Variants in P3H2 observed in about 807,000 individuals in gnomAD.
The protein encoded by P3H2 is leprecan-like 1.
P3H2 carries 80 observed loss-of-function variants against 87.0 expected under a neutral mutation model. That is an observed-to-expected ratio of 0.92 (90% CI 0.77 to 1.11). The LOEUF (loss-of-function observed/expected upper bound fraction) is 1.11. Ranked by LOEUF, P3H2 falls within the 50% of genes least tolerant of loss-of-function variation. The probability of loss-of-function intolerance (pLI) is 0.00; values close to 1 mark genes in which losing one functional copy is unlikely to be tolerated. For missense variants in P3H2, 1,001 were observed against 923.9 expected (o/e 1.08, Z -1.08); for synonymous variants, 367 against 359.3 (o/e 1.02, Z -0.24).
chr3:189,985,544 AAT>A (rs1342553769), intron 6 of P3H2, among the ~76,000 whole-genome samples: 6 of 150,878 alleles, frequency 4.0e-5, no homozygotes, highest in Non-Finnish European at 7.4e-5. Context: ...TTAGTATTAA[AAT>A]AGTGTGCAAA....
At chr3:190,004,431 G>T (rs561948841) in intron 1 of P3H2, among the ~76,000 whole-genome samples, 1 of 152,284 alleles carries the variant, frequency 6.6e-6, no homozygotes, top group East Asian at 1.9e-4. Context: ...CGCCCAGGCT[G>T]GAGTGCAGTG....
chr3:189,976,636 T>C (rs1324002485), intron 8 of P3H2, among the ~76,000 whole-genome samples: 2 of 152,250 alleles, frequency 1.3e-5, no homozygotes, highest in Non-Finnish European at 2.9e-5. Flanking sequence ...TGCATCGTAT[T>C]TCATTTATTT....
At chr3:190,062,133 C>T (rs1726349963) in intron 1 of P3H2, among the ~76,000 whole-genome samples, 2 of 152,134 alleles carry the variant, frequency 1.3e-5, no homozygotes, top group Non-Finnish European at 1.5e-5. Context: ...CCTTCTTAAT[C>T]CTTCATCACA....
chr3:190,011,354 A>G (rs994119066), intron 1 of P3H2, among the ~76,000 whole-genome samples: 6 of 152,122 alleles, frequency 3.9e-5, no homozygotes, highest in Non-Finnish European at 8.8e-5. Flanking sequence ...AAGACTAAAC[A>G]ATTCAAGAAA....
chr3:190,097,484 A>T (rs1296614828), intron 1 of P3H2, among the ~76,000 whole-genome samples: 1 of 152,208 alleles, frequency 6.6e-6, no homozygotes, highest in Non-Finnish European at 1.5e-5. Flanking sequence ...ACCTGTTATG[A>T]CATGAAAAAC....
chr3:189,974,450 C>A, intron 9 of P3H2, 108 bp downstream of exon 9: 1 of 1,405,728 alleles, frequency 7.1e-7, no homozygotes, highest in Non-Finnish European at 1.0e-6. Context: ...CTCAAGAAAG[C>A]AATATTTCAG....
intron 1 of P3H2, among the ~76,000 whole-genome samples, chr3:190,063,660 G>C (rs932008758): frequency 1.3e-5 from 2 of 152,090 alleles, no homozygotes; most frequent in African/African-American, 4.8e-5. Context: ...ATATAAATGT[G>C]TGAAAGTCTC....
intron 1 of P3H2, among the ~76,000 whole-genome samples, chr3:190,091,721 T>C (rs1253836022): frequency 6.6e-6 from 1 of 152,226 alleles, no homozygotes; most frequent in Non-Finnish European, 1.5e-5. Flanking sequence ...GAAAACAGTA[T>C]TCTGACAGTG....
chr3:190,062,518 T>G (rs1443550095), intron 1 of P3H2, among the ~76,000 whole-genome samples: 1 of 152,180 alleles, frequency 6.6e-6, no homozygotes, highest in Non-Finnish European at 1.5e-5. Flanking sequence ...CACTGCTTTA[T>G]CACTAAATGT....
intron 1 of P3H2, among the ~76,000 whole-genome samples, chr3:190,048,349 T>C (rs546172664): frequency 6.6e-6 from 1 of 152,092 alleles, no homozygotes; most frequent in East Asian, 1.9e-4. Flanking sequence ...ATACAAAAGT[T>C]ATCTGGGCAT....
chr3:190,007,965 C>CACACACACACACACACACATATATATAT lies in P3H2; in HGVS notation c.481-12524_481-12523insATATATATATGTGTGTGTGTGTGTGTGT. On this transcript the variant is annotated intron_variant, in intron 1 of 14. Coordinates refer to ENST00000319332, the MANE Select transcript of P3H2 (RefSeq NM_018192.4). ...GCCTGAGACTCTATTTGTTGACACA[C>CACACACACACACACACACATATATATAT]ATATATATATATATATATATAGTAA... Among the ~76,000 whole-genome samples, 189 of 94,340 alleles carry CACACACACACACACACACATATATATAT rather than the reference C, an allele frequency of 2.0e-3. 1 individual carries two copies. The highest frequency in any genetic ancestry group is 0.018 in the East Asian group (47 of 2,604). The allele number at this position is 94,340 out of a possible 152,430, so 61.9% of individuals were successfully genotyped here. A position where few individuals can be genotyped will look rare whatever the true frequency, so the allele number is the denominator to read the frequency against.
At chr3:190,085,343 A>G (rs1560394312) in intron 1 of P3H2, among the ~76,000 whole-genome samples, 1 of 152,214 alleles carries the variant, frequency 6.6e-6, no homozygotes. Context: ...CTGTTTATTG[A>G]TACAGACATA....
At chr3:190,041,096 T>G (rs1725612705) in intron 1 of P3H2, among the ~76,000 whole-genome samples, 1 of 14,394 alleles carries the variant, frequency 6.9e-5, no homozygotes, top group Non-Finnish European at 1.3e-4. Flanking sequence ...TCTCTCTATA[T>G]ATATATATAT....
Position 190,020,727 on chromosome 3 carries a change from C to A in P3H2, c.481-25285G>T, listed in dbSNP as rs1416939288. 3.0e-5 allele frequency among the ~76,000 whole-genome samples: 4 copies of A among 133,382 alleles called. 1 individual carries two copies. The highest frequency in any genetic ancestry group is 1.0e-4 in the African/African-American group (4 of 38,556). 87.5% of individuals were successfully genotyped at this position (133,382 alleles called of 152,430 possible). A position where few individuals can be genotyped will look rare whatever the true frequency, so the allele number is the denominator to read the frequency against. On this transcript the variant is annotated intron_variant, in intron 1 of 14. Coordinates refer to ENST00000319332, the MANE Select transcript of P3H2 (RefSeq NM_018192.4). ...TTTTCCTATGCATGGTCTGGCTGGGCGGCTGCTACCCACACGTTGATTACT... is the reference window on the plus strand; with the variant it reads ...TTTTCCTATGCATGGTCTGGCTGGGAGGCTGCTACCCACACGTTGATTACT...
chr3:189,964,913 C>T (rs930840155), intron 13 of P3H2, among the ~76,000 whole-genome samples: 1 of 152,226 alleles, frequency 6.6e-6, no homozygotes, highest in African/African-American at 2.4e-5. Flanking sequence ...GCTGCCTCTT[C>T]AAATTGAATG....
At chr3:189,979,746 G>A (rs549781037) in intron 8 of P3H2, among the ~76,000 whole-genome samples, 11 of 152,132 alleles carry the variant, frequency 7.2e-5, no homozygotes, top group African/African-American at 2.6e-4. Context: ...TGGATCAACT[G>A]AGGTCGGGAG....
intron 1 of P3H2, among the ~76,000 whole-genome samples, chr3:190,042,942 A>AT (rs1217856119): frequency 3.3e-5 from 5 of 152,280 alleles, no homozygotes; most frequent in East Asian, 1.9e-4. Context: ...ATGAAGGCAG[A>AT]TTTTTTTCAT....
Position 190,027,110 on chromosome 3 carries a change from G to A in P3H2, c.481-31668C>T, listed in dbSNP as rs76437370. 1.1e-3 allele frequency among the ~76,000 whole-genome samples: 165 copies of A among 152,220 alleles called. 4 individuals carry two copies. In the East Asian group the frequency reaches 0.029, roughly 26 times the overall value. On this transcript the variant is annotated intron_variant, in intron 1 of 14. Coordinates refer to ENST00000319332, the MANE Select transcript of P3H2 (RefSeq NM_018192.4). ...ATTCTCACTTACATATGACAAAACTGAGGCACTGAGAAGTACAACTAACTT... is the reference window on the plus strand; with the variant it reads ...ATTCTCACTTACATATGACAAAACTAAGGCACTGAGAAGTACAACTAACTT...
chr3:189,994,528 A>G (rs1256101091), intron 2 of P3H2, among the ~76,000 whole-genome samples: 2 of 152,130 alleles, frequency 1.3e-5, no homozygotes, highest in South Asian at 4.1e-4. Flanking sequence ...TGATCAGTCA[A>G]TGTCGTTTTT....
Sources: gnomAD v4.1 joint callset for allele counts (sites outside exome capture counted in the v4.1 genomes callset) on GRCh38, gnomAD v4.1.1 for gene constraint, MANE v1.5 for transcripts, NCBI Gene and HGNC (gene_info 2026-07-23, HGNC 2026-07-21) for gene names.